Variants in PCDH11X observed in about 807,000 individuals in gnomAD.
PCDH11X encodes the protein protocadherin-11 X-linked.
PCDH11X carries 18 observed loss-of-function variants against 53.3 expected under a neutral mutation model. That is an observed-to-expected ratio of 0.34 (90% CI 0.23 to 0.50). PCDH11X has a LOEUF of 0.50. Among genes scored for constraint, PCDH11X ranks in the 20% least tolerant of loss-of-function variants. PCDH11X has a pLI of 0.98. For synonymous variants in PCDH11X, 279 were observed against 393.3 expected, an observed-to-expected ratio of 0.71 and a Z score of 3.44; for missense variants, 570 against 1,032.4, an observed-to-expected ratio of 0.55 and a Z score of 6.14.
chrX:92,038,850 C>T (rs989536453), intron 6 of PCDH11X, among the ~76,000 whole-genome samples: 70 of 109,628 alleles, frequency 6.4e-4, no homozygotes, highest in Non-Finnish European at 8.2e-4. Context: ...CACAAGCTCT[C>T]TTCTCTTGTC....
intron 5 of PCDH11X, among the ~76,000 whole-genome samples, chrX:91,857,649 AG>A (rs1938427800): frequency 8.9e-6 from 1 of 112,017 alleles, no homozygotes; most frequent in Non-Finnish European, 1.9e-5. Flanking sequence ...GCCCCATAAA[AG>A]TCTGAAATCC....
At chrX:92,594,585 T>A (rs1925377364) in intron 10 of PCDH11X, among the ~76,000 whole-genome samples, 1 of 109,452 alleles carries the variant, frequency 9.1e-6, no homozygotes, top group African/African-American at 3.3e-5. Flanking sequence ...TTTTGAGACT[T>A]TTTTCAGCCA....
chrX:92,599,681 C>T (rs901874362), intron 10 of PCDH11X, among the ~76,000 whole-genome samples: 9 of 111,152 alleles, frequency 8.1e-5, no homozygotes, highest in African/African-American at 6.6e-5. Context: ...AGGATTAGGG[C>T]GCTGTTATTA....
chrX:92,099,462 C>T (rs1332716017), intron 6 of PCDH11X, among the ~76,000 whole-genome samples: 1 of 109,550 alleles, frequency 9.1e-6, no homozygotes, highest in Non-Finnish European at 1.9e-5. Flanking sequence ...AGGTCATATG[C>T]TGAGCTACAT....
At chrX:92,456,632 CA>C (rs2072913218) in intron 9 of PCDH11X, among the ~76,000 whole-genome samples, 1 of 111,417 alleles carries the variant, frequency 9.0e-6, no homozygotes, top group Non-Finnish European at 1.9e-5. Context: ...TTGGTTTATT[CA>C]AAAAACCTTT....
At chrX:92,267,565 C>T (rs759652817) in intron 8 of PCDH11X, among the ~76,000 whole-genome samples, 2 of 111,947 alleles carry the variant, frequency 1.8e-5, no homozygotes, top group South Asian at 7.5e-4. Context: ...TATTAAAATA[C>T]CCATTTTGCT....
intron 8 of PCDH11X, among the ~76,000 whole-genome samples, chrX:92,289,211 A>G (rs2068443393): frequency 9.0e-6 from 1 of 110,893 alleles, no homozygotes; most frequent in Non-Finnish European, 1.9e-5. Flanking sequence ...AATATAAGCT[A>G]TTACTATTAT....
intron 7 of PCDH11X, among the ~76,000 whole-genome samples, chrX:92,222,030 C>T (rs2066890974): frequency 9.0e-6 from 1 of 111,033 alleles, no homozygotes; most frequent in Non-Finnish European, 1.9e-5. Flanking sequence ...GATGGGGTTT[C>T]ATTATGTTGG....
chrX:92,212,006 CTT>C (rs56939635), intron 7 of PCDH11X, among the ~76,000 whole-genome samples: 167 of 64,571 alleles, frequency 2.6e-3, no homozygotes, highest in African/African-American at 9.4e-3. Flanking sequence ...ACTTGCAATG[CTT>C]TTTTTTTTTT....
intron 7 of PCDH11X, among the ~76,000 whole-genome samples, chrX:92,244,504 T>C (rs2067312875): frequency 9.0e-6 from 1 of 110,758 alleles, no homozygotes; most frequent in Admixed American, 9.8e-5. Context: ...TTGTTTCTTT[T>C]TGAATCATAG....
chrX:92,433,632 G>C (rs1189083469), intron 9 of PCDH11X, among the ~76,000 whole-genome samples: 5 of 109,627 alleles, frequency 4.6e-5, no homozygotes, highest in Non-Finnish European at 9.6e-5. Context: ...CCTTAGTGTA[G>C]AATAGTGTAA....
rs760129843 is a variant in PCDH11X at position 91,835,553 on chromosome X, G to A, written c.49G>A (p.Val17Met). 3 of 1,208,898 alleles carry A rather than the reference G, an allele frequency of 2.5e-6. No homozygotes were observed. The highest frequency in any genetic ancestry group is 3.4e-6 in the Non-Finnish European group (3 of 895,125). The change falls in exon 5 of 11, where the codon GTG (valine) becomes ATG (methionine). Residue 17 changes from valine to methionine, a missense_variant. Transcript: ENST00000682573. ...TYIFAVLLAC[V>M]VFHSGAQEKN... Reference sequence around the variant, plus strand: ...CATTTTCGCGGTCCTGCTAGCATGCGTGGTGTTCCACTCTGGCGCCCAGGA... The same window carrying A: ...CATTTTCGCGGTCCTGCTAGCATGCATGGTGTTCCACTCTGGCGCCCAGGA...
intron 6 of PCDH11X, among the ~76,000 whole-genome samples, chrX:91,941,664 G>C (rs974418539): frequency 9.2e-6 from 1 of 108,488 alleles, no homozygotes; most frequent in African/African-American, 3.3e-5. Context: ...TTTGTGATCA[G>C]AGAGGACATA....
intron 4 of PCDH11X, among the ~76,000 whole-genome samples, chrX:91,824,548 G>C (rs1343587395): frequency 9.2e-6 from 1 of 108,392 alleles, no homozygotes; most frequent in Non-Finnish European, 1.9e-5. Flanking sequence ...GCACTTCTCT[G>C]TATTGGTTAT....
intron 6 of PCDH11X, among the ~76,000 whole-genome samples, chrX:91,988,788 T>C (rs2062267197): frequency 8.9e-6 from 1 of 111,856 alleles, no homozygotes; most frequent in Non-Finnish European, 1.9e-5. Flanking sequence ...CACAGACCAG[T>C]GCAGATCCGG....
At chrX:91,978,243 T>C (rs2062073280) in intron 6 of PCDH11X, among the ~76,000 whole-genome samples, 1 of 108,897 alleles carries the variant, frequency 9.2e-6, no homozygotes, top group Non-Finnish European at 1.9e-5. Flanking sequence ...CGGGTCCCTT[T>C]CTTATGACTG....
At chrX:92,032,052 TG>T (rs2063059382) in intron 6 of PCDH11X, among the ~76,000 whole-genome samples, 1 of 112,062 alleles carries the variant, frequency 8.9e-6, no homozygotes, top group African/African-American at 3.2e-5. Flanking sequence ...GGGATTGCGT[TG>T]AATCTGGAGA....
chrX:92,014,612 A>G (rs1453975723), intron 6 of PCDH11X, among the ~76,000 whole-genome samples: 2 of 111,069 alleles, frequency 1.8e-5, no homozygotes, highest in African/African-American at 6.6e-5. Context: ...ACTATTCACA[A>G]TAGCAAAGAC....
chrX:92,316,602 C>T (rs1214168119), intron 8 of PCDH11X, among the ~76,000 whole-genome samples: 2 of 109,485 alleles, frequency 1.8e-5, no homozygotes, highest in Non-Finnish European at 3.8e-5. Flanking sequence ...TTTGAAAGAC[C>T]CTATTATGAA....
Sources: gnomAD v4.1 joint callset for allele counts (sites outside exome capture counted in the v4.1 genomes callset) on GRCh38, gnomAD v4.1.1 for gene constraint, MANE v1.5 for transcripts, NCBI Gene and HGNC (gene_info 2026-07-23, HGNC 2026-07-21) for gene names.